Variants in CDH12 observed in about 807,000 individuals in gnomAD.
CDH12 encodes the protein cadherin 12, also known as cadherin-12.
Under a neutral mutation model 74.1 loss-of-function variants are expected in CDH12, and 41 were observed. The observed-to-expected ratio is 0.55, with a 90% confidence interval of 0.43 to 0.72. The LOEUF (loss-of-function observed/expected upper bound fraction) is 0.72, where lower values mean the gene tolerates loss of function less well. Ranked by LOEUF, CDH12 falls within the 30% of genes least tolerant of loss-of-function variation. The pLI is 0.00. For missense variants in CDH12, 945 were observed against 977.2 expected (o/e 0.97, Z 0.44); for synonymous variants, 399 against 355.0 (o/e 1.12, Z -1.39).
At chr5:21,987,705 G>A (rs1368965878) in intron 5 of CDH12, among the ~76,000 whole-genome samples, 1 of 151,996 alleles carries the variant, frequency 6.6e-6, no homozygotes, top group African/African-American at 2.4e-5. Context: ...GTTCTTAATG[G>A]GACTATTTTA....
Position 22,393,345 on chromosome 5 carries a change from T to C in CDH12, c.-333+11912A>G, listed in dbSNP as rs200747720. 1.4e-4 allele frequency among the ~76,000 whole-genome samples: 22 copies of C among 152,228 alleles called. No homozygotes were observed. In the East Asian group the frequency reaches 4.1e-3, roughly 28 times the overall value. ...AAACTTTATATGGCAAGGTACAGAA[T>C]CTCTACTAGGTCACTTAAGGAAATA... On this transcript the variant is annotated intron_variant, in intron 3 of 14. Coordinates refer to ENST00000382254, the MANE Select transcript of CDH12 (RefSeq NM_004061.5).
chr5:22,125,605 A>G (rs1745810590), intron 4 of CDH12, among the ~76,000 whole-genome samples: 1 of 152,104 alleles, frequency 6.6e-6, no homozygotes, highest in Non-Finnish European at 1.5e-5. Context: ...AGCTGAGTCA[A>G]TGGCTCATCT....
chr5:21,786,216 T>C (rs1746189320), intron 10 of CDH12, among the ~76,000 whole-genome samples: 2 of 152,266 alleles, frequency 1.3e-5, no homozygotes, highest in South Asian at 4.1e-4. Flanking sequence ...TGCAATGGTA[T>C]GATCTCAGCT....
intron 1 of CDH12, among the ~76,000 whole-genome samples, chr5:22,773,512 A>G (rs1388933253): frequency 2.0e-5 from 3 of 152,210 alleles, no homozygotes; most frequent in Non-Finnish European, 4.4e-5. Flanking sequence ...GATGGATTAA[A>G]GATTTAAATG....
chr5:21,857,217 C>A (rs1485828083), intron 6 of CDH12, among the ~76,000 whole-genome samples: 1 of 151,774 alleles, frequency 6.6e-6, no homozygotes, highest in East Asian at 1.9e-4. Context: ...GTGGTTGGGG[C>A]ATGTTTAATG....
intron 1 of CDH12, among the ~76,000 whole-genome samples, chr5:22,762,588 C>A (rs764472555): frequency 2.6e-5 from 4 of 151,842 alleles, no homozygotes; most frequent in Non-Finnish European, 4.4e-5. Context: ...GTGATCAGAC[C>A]AATTGAATCC....
intron 4 of CDH12, among the ~76,000 whole-genome samples, chr5:22,194,917 G>C (rs1750535701): frequency 6.6e-6 from 1 of 152,066 alleles, no homozygotes; most frequent in South Asian, 2.1e-4. Context: ...TTTTCTAAGA[G>C]TATAAGCGAG....
intron 6 of CDH12, among the ~76,000 whole-genome samples, chr5:21,877,898 T>A (rs375033188): frequency 3.9e-5 from 6 of 152,304 alleles, no homozygotes; most frequent in Non-Finnish European, 1.5e-5. Flanking sequence ...ATGGATATCA[T>A]GTGTGGAAAA....
intron 1 of CDH12, among the ~76,000 whole-genome samples, chr5:22,665,705 A>G (rs1292999798): frequency 6.6e-6 from 1 of 152,136 alleles, no homozygotes; most frequent in African/African-American, 2.4e-5. Flanking sequence ...AAATTCCTGA[A>G]TTTCATAAAC....
At chr5:22,621,305 T>C (rs1309150648) in intron 1 of CDH12, among the ~76,000 whole-genome samples, 3 of 152,166 alleles carry the variant, frequency 2.0e-5, no homozygotes, top group African/African-American at 7.2e-5. Flanking sequence ...GTTCCTTTTG[T>C]TGTGTAAGAA....
At chr5:22,189,363 T>G (rs999925042) in intron 4 of CDH12, among the ~76,000 whole-genome samples, 3 of 152,150 alleles carry the variant, frequency 2.0e-5, no homozygotes, top group African/African-American at 4.8e-5. Context: ...CATGAGAGGT[T>G]GATAAATATT....
At chr5:22,848,887 T>A (rs1246912647) in intron 1 of CDH12, among the ~76,000 whole-genome samples, 1 of 152,200 alleles carries the variant, frequency 6.6e-6, no homozygotes. Context: ...GTACTTTTTT[T>A]ATGCTGTACG....
rs189509825 is a variant in CDH12 at position 22,304,969 on chromosome 5, T to C, written c.-332-92326A>G. Among the ~76,000 whole-genome samples, 951 of 152,318 alleles carry C rather than the reference T, an allele frequency of 6.2e-3. 4 individuals carry two copies. The highest frequency in any genetic ancestry group is 0.01 in the Non-Finnish European group (709 of 68,028). ...TCGAAAATACTAGAAGGCCCCAAGG[T>C]GTGTGGCAGAGTCAATTCATAAATA... On this transcript the variant is annotated intron_variant, in intron 3 of 14. Coordinates refer to ENST00000382254, the MANE Select transcript of CDH12 (RefSeq NM_004061.5).
chr5:21,967,274 C>T (rs113203690), intron 6 of CDH12, among the ~76,000 whole-genome samples: 3 of 152,202 alleles, frequency 2.0e-5, no homozygotes, highest in South Asian at 4.2e-4. Context: ...ATTGGGCCAA[C>T]GTAGCATCTT....
At chr5:22,335,146 G>GA (rs911991820) in intron 3 of CDH12, among the ~76,000 whole-genome samples, 22 of 151,548 alleles carry the variant, frequency 1.5e-4, no homozygotes, top group East Asian at 3.9e-4. Context: ...AACTCTATGT[G>GA]AAAAAAAAAT....
intron 1 of CDH12, among the ~76,000 whole-genome samples, chr5:22,637,055 G>A (rs568078640): frequency 5.9e-5 from 9 of 152,142 alleles, no homozygotes; most frequent in Non-Finnish European, 1.3e-4. Flanking sequence ...TCACTAAGGT[G>A]GTTACCCCAA....
intron 3 of CDH12, among the ~76,000 whole-genome samples, chr5:22,252,343 G>A (rs1287427020): frequency 6.6e-6 from 1 of 151,666 alleles, no homozygotes; most frequent in Non-Finnish European, 1.5e-5. Context: ...ACAATTATCT[G>A]TAGTGTTTGT....
chr5:22,102,699 A>C (rs928339538), intron 4 of CDH12, among the ~76,000 whole-genome samples: 4 of 151,760 alleles, frequency 2.6e-5, no homozygotes, highest in Admixed American at 1.3e-4. Flanking sequence ...TAAATACATA[A>C]ATAAATAATA....
At chr5:22,093,365 A>G (rs1195328227) in intron 4 of CDH12, among the ~76,000 whole-genome samples, 3 of 152,210 alleles carry the variant, frequency 2.0e-5, no homozygotes, top group African/African-American at 7.2e-5. Flanking sequence ...GAAGAAATAA[A>G]CTAAGGGTAC....
Sources: allele counts gnomAD v4.1 joint callset (sites outside exome capture counted in the v4.1 genomes callset), GRCh38; gene constraint gnomAD v4.1.1; transcripts MANE v1.5; gene names NCBI Gene and HGNC (gene_info 2026-07-23, HGNC 2026-07-21).